COL24A1: variants seen among roughly 807,000 people sequenced by gnomAD.
COL24A1 encodes the protein collagen alpha-1(XXIV) chain.
Under a neutral mutation model 253.9 loss-of-function variants are expected in COL24A1, and 224 were observed. That is an observed-to-expected ratio of 0.88 (90% CI 0.79 to 0.99). COL24A1 has a LOEUF of 0.99. Ranked by LOEUF, COL24A1 falls within the 50% of genes least tolerant of loss-of-function variation. The pLI is 0.00. For synonymous variants in COL24A1, 685 were observed against 673.7 expected, an observed-to-expected ratio of 1.02 and a Z score of -0.26; for missense variants, 2,131 against 2,068.5, an observed-to-expected ratio of 1.03 and a Z score of -0.59.
chr1:86,021,136 GAAGGGT>G (rs2101326504), intron 18 of COL24A1, among the ~76,000 whole-genome samples: 1 of 152,260 alleles, frequency 6.6e-6, no homozygotes, highest in South Asian at 2.1e-4. Context: ...TCCTGAGATG[GAAGGGT>G]AGAGTTAGAG....
chr1:85,889,599 C>A lies in COL24A1; in HGVS notation c.2937G>T (p.Leu979Phe). 1 of 1,613,236 alleles carries A rather than the reference C, an allele frequency of 6.2e-7. No homozygotes were observed. Among genetic ancestry groups the A allele is most frequent in the Non-Finnish European group, 8.5e-7 (1 of 1,179,370 alleles). Residue 979 changes from leucine to phenylalanine, a missense_variant, in exon 32 of 60, where the codon TTG becomes TTT. Transcript: ENST00000370571. The part of the protein sequence containing the change: ...GFQGKPGLQG[L>F]PGSTGDRGLP... ...GTCCTCTGTCACCTGTACTTCCAGG[C>A]AATCCCTGTAAACCCTGGACAAATA... is the stretch of plus-strand genomic sequence containing the variant.
At chr1:86,084,759 TC>T (rs1702934200) in intron 7 of COL24A1, among the ~76,000 whole-genome samples, 1 of 152,180 alleles carries the variant, frequency 6.6e-6, no homozygotes, top group East Asian at 1.9e-4. Flanking sequence ...GTTTTCAAAG[TC>T]CCCAAAACTA....
At chr1:85,757,167 C>A (rs401657) in intron 55 of COL24A1, among the ~76,000 whole-genome samples, 135,426 of 152,196 alleles carry the variant, frequency 0.89, 61,032 homozygotes, top group Non-Finnish European at 0.97. Context: ...GTACTTAATA[C>A]CACTGAACTC....
intron 24 of COL24A1, among the ~76,000 whole-genome samples, chr1:85,917,849 C>T (rs1686044802): frequency 6.6e-6 from 1 of 152,034 alleles, no homozygotes; most frequent in South Asian, 2.1e-4. Context: ...GGACTACAGG[C>T]ATGCACCACG....
chr1:86,138,100 G>A (rs1053407921), intron 2 of COL24A1, among the ~76,000 whole-genome samples: 7 of 152,074 alleles, frequency 4.6e-5, no homozygotes, highest in African/African-American at 1.7e-4. Context: ...CATGGCATTT[G>A]TACTTACTGT....
At chr1:86,014,967 C>A (rs1421686339) in intron 19 of COL24A1, among the ~76,000 whole-genome samples, 1 of 152,074 alleles carries the variant, frequency 6.6e-6, no homozygotes, top group African/African-American at 2.4e-5. Flanking sequence ...TTAACGCATA[C>A]AGGATAAAGT....
At chr1:86,013,814 C>T (rs1029222408) in intron 19 of COL24A1, among the ~76,000 whole-genome samples, 33 of 152,034 alleles carry the variant, frequency 2.2e-4, no homozygotes, top group African/African-American at 4.1e-4. Context: ...CCAGCCTGGG[C>T]GAGAGAGTGA....
intron 23 of COL24A1, 49 bp from the exon 24 acceptor site, chr1:85,961,342 G>A (rs1234632128): frequency 1.5e-6 from 2 of 1,368,440 alleles, no homozygotes; most frequent in Non-Finnish European, 2.1e-6. Flanking sequence ...TTTCAAACTA[G>A]ATTATTCATG....
chr1:85,951,089 A>G (rs1483995429), intron 24 of COL24A1, among the ~76,000 whole-genome samples: 1 of 152,216 alleles, frequency 6.6e-6, no homozygotes, highest in Non-Finnish European at 1.5e-5. Flanking sequence ...GATTAAGCAC[A>G]CTAATGTCCT....
intron 5 of COL24A1, among the ~76,000 whole-genome samples, chr1:86,100,637 T>C (rs1704363813): frequency 6.6e-6 from 1 of 152,064 alleles, no homozygotes; most frequent in South Asian, 2.1e-4. Context: ...CTAAATAGCT[T>C]TCAGCATTGG....
intron 43 of COL24A1, among the ~76,000 whole-genome samples, chr1:85,837,176 G>C (rs1048635372): frequency 3.9e-5 from 6 of 152,040 alleles, no homozygotes; most frequent in Non-Finnish European, 8.8e-5. Context: ...CAATTCCTTG[G>C]GTTAGGAAAC....
intron 31 of COL24A1, among the ~76,000 whole-genome samples, chr1:85,889,843 C>A (rs189825952): frequency 6.6e-6 from 1 of 151,904 alleles, no homozygotes; most frequent in East Asian, 1.9e-4. Flanking sequence ...GTTGTGTAAC[C>A]GTTACCAGAA....
chr1:85,744,038 A>G (rs111682540), intron 57 of COL24A1, among the ~76,000 whole-genome samples: 1 of 152,074 alleles, frequency 6.6e-6, no homozygotes, highest in East Asian at 1.9e-4. Flanking sequence ...TTTTTTTCAA[A>G]CATGTCATTG....
chr1:85,854,212 G>A (rs537034176), intron 37 of COL24A1, among the ~76,000 whole-genome samples: 2 of 152,222 alleles, frequency 1.3e-5, no homozygotes, highest in Non-Finnish European at 2.9e-5. Context: ...ACCATCTACT[G>A]AATAGGGTAA....
intron 7 of COL24A1, among the ~76,000 whole-genome samples, chr1:86,072,982 T>A (rs1701981419): frequency 6.6e-6 from 1 of 151,948 alleles, no homozygotes; most frequent in African/African-American, 2.4e-5. Context: ...GTCACCAACA[T>A]CAAAGACCAA....
intron 24 of COL24A1, among the ~76,000 whole-genome samples, chr1:85,943,799 A>C (rs1319669744): frequency 1.3e-5 from 2 of 152,256 alleles, no homozygotes; most frequent in Admixed American, 1.3e-4. Context: ...TTATGCAATA[A>C]TGTGTGACTT....
intron 8 of COL24A1, among the ~76,000 whole-genome samples, chr1:86,062,577 T>C (rs1701171558): frequency 2.0e-5 from 3 of 152,120 alleles, no homozygotes; most frequent in Admixed American, 6.5e-5. Flanking sequence ...TAATGACACA[T>C]GGCCAATTTT....
chr1:85,827,786 T>G, intron 43 of COL24A1, among the ~76,000 whole-genome samples: 1 of 152,118 alleles, frequency 6.6e-6, no homozygotes, highest in Non-Finnish European at 1.5e-5. Context: ...TTTATCATTT[T>G]TTATTGTGTC....
chr1:85,770,528 A>C (rs969826806), intron 53 of COL24A1, among the ~76,000 whole-genome samples: 1 of 152,010 alleles, frequency 6.6e-6, no homozygotes, highest in African/African-American at 2.4e-5. Flanking sequence ...TAAAAAAAAA[A>C]CAAAAGGATG....
Sources: gnomAD v4.1 joint callset for allele counts (sites outside exome capture counted in the v4.1 genomes callset) on GRCh38, gnomAD v4.1.1 for gene constraint, MANE v1.5 for transcripts, NCBI Gene and HGNC (gene_info 2026-07-23, HGNC 2026-07-21) for gene names.